The following CMSS1 variants were observed in gnomAD, a reference collection of about 807,000 sequenced individuals.
The protein encoded by CMSS1 is protein CMSS1.
CMSS1 carries 33 observed loss-of-function variants against 43.5 expected under a neutral mutation model. The ratio of observed to expected loss-of-function variants is 0.76; its 90% CI spans 0.57 to 1.01. The LOEUF (loss-of-function observed/expected upper bound fraction) is 1.01, where lower values mean the gene tolerates loss of function less well. CMSS1 is among the 50% of genes least tolerant of loss of function. The pLI, the probability that CMSS1 is intolerant of heterozygous loss-of-function variation, is 0.00. For synonymous variants in CMSS1, 115 were observed against 117.2 expected (o/e 0.98, Z 0.12); for missense variants, 313 against 326.4 (o/e 0.96, Z 0.32).
At chr3:100,163,753 T>C (rs1045316227) in intron 4 of CMSS1, among the ~76,000 whole-genome samples, 25 of 152,140 alleles carry the variant, frequency 1.6e-4, no homozygotes, top group African/African-American at 6.0e-4. Context: ...CCTTTAACTC[T>C]TTTAGGCAGG....
intron 1 of CMSS1, among the ~76,000 whole-genome samples, chr3:100,053,799 T>G (rs539511326): frequency 1.3e-5 from 2 of 152,330 alleles, no homozygotes; most frequent in Admixed American, 1.3e-4. Context: ...ACTAATCAAT[T>G]CTTTAGTGAC....
In CMSS1 at chr3:100,171,707, G is replaced by A. The variant is rs1052556549; in HGVS notation, c.519-132G>A. 1.0e-5 allele frequency: 7 copies of A among 682,412 alleles called. No individual in the cohort carries two copies. In the African/African-American group the frequency reaches 1.3e-4, roughly 12 times the overall value. The allele number at this position is 682,412 out of a possible 1,614,324, so 42.3% of individuals were successfully genotyped here. ...GGCTAACCTGCAAATCTCAGAATTTGTATGTACATATGCACATATATACAC... is the reference window on the plus strand; with the variant it reads ...GGCTAACCTGCAAATCTCAGAATTTATATGTACATATGCACATATATACAC... On this transcript the variant is annotated intron_variant, in intron 6 of 9. Coordinates refer to ENST00000421999, the MANE Select transcript of CMSS1 (RefSeq NM_032359.4).
chr3:99,935,928 G>A (rs1044582613), intron 1 of CMSS1, among the ~76,000 whole-genome samples: 1 of 152,176 alleles, frequency 6.6e-6, no homozygotes, highest in Non-Finnish European at 1.5e-5. Flanking sequence ...ATGGCCAAAT[G>A]TAAATAGAAG....
chr3:100,126,601 T>C (rs1464991062), intron 1 of CMSS1, among the ~76,000 whole-genome samples: 4 of 152,324 alleles, frequency 2.6e-5, no homozygotes, highest in South Asian at 4.1e-4. Flanking sequence ...CTCCCACTTT[T>C]AATTTATATA....
intron 1 of CMSS1, chr3:100,075,754 G>A (rs1362670171): frequency 1.3e-5 from 2 of 152,132 alleles, no homozygotes; most frequent in African/African-American, 4.8e-5. Context: ...TCATCCCACA[G>A]TGATAGTAAC....
At chr3:99,835,388 G>A (rs1204583002) in intron 1 of CMSS1, among the ~76,000 whole-genome samples, 1 of 152,186 alleles carries the variant, frequency 6.6e-6, no homozygotes, top group African/African-American at 2.4e-5. Flanking sequence ...TAGATCACCT[G>A]TAAAGTCCTT....
chr3:100,094,669 G>A (rs1231980015), intron 1 of CMSS1, among the ~76,000 whole-genome samples: 1 of 131,874 alleles, frequency 7.6e-6, no homozygotes, highest in African/African-American at 2.8e-5. Flanking sequence ...TGTTGGAAAA[G>A]CTGCCTTTTT....
At chr3:99,956,350 C>G (rs1457807879) in intron 1 of CMSS1, among the ~76,000 whole-genome samples, 1 of 152,130 alleles carries the variant, frequency 6.6e-6, no homozygotes. Context: ...TCCCCTCCAT[C>G]TAAGCTTTGT....
intron 1 of CMSS1, among the ~76,000 whole-genome samples, chr3:100,025,804 G>T (rs1309081769): frequency 6.6e-6 from 1 of 152,114 alleles, no homozygotes; most frequent in Admixed American, 6.6e-5. Context: ...CTCTGCTGTA[G>T]TCGACCTCCA....
intron 1 of CMSS1, among the ~76,000 whole-genome samples, chr3:100,010,677 C>T (rs926915457): frequency 1.3e-4 from 19 of 149,774 alleles, no homozygotes; most frequent in African/African-American, 4.4e-4. Flanking sequence ...TGCAGTGGCT[C>T]GATCTCTGCC....
At chr3:99,914,646 G>A (rs191264416) in intron 1 of CMSS1, among the ~76,000 whole-genome samples, 375 of 152,258 alleles carry the variant, frequency 2.5e-3, no homozygotes, top group African/African-American at 6.8e-3. Flanking sequence ...TTTTACAGAA[G>A]GCAGTTTAGC....
At chr3:100,055,699 C>G (rs2065453046) in intron 1 of CMSS1, among the ~76,000 whole-genome samples, 2 of 152,086 alleles carry the variant, frequency 1.3e-5, no homozygotes, top group South Asian at 4.1e-4. Flanking sequence ...CTTTAGTAGT[C>G]AAACATTCTT....
Position 100,167,787 on chromosome 3 carries a change from G to A in CMSS1, c.465G>A (p.Ser155=), listed in dbSNP as rs375895581. 6.8e-6 allele frequency: 11 copies of A among 1,613,314 alleles called. No homozygotes were observed. The Admixed American group carries it at 1.0e-4, about 15-fold the overall frequency. ...KLRKNHSEKK[S]VLMLIICSSA... is the part of the protein sequence containing the mutation. ...GGAAGAACCACAGTGAGAAGAAATC[G>A]GTCCTGATGCTGATCATCTGCAGCT... The change falls in exon 6 of 10, where the codon TCG becomes TCA. Residue 155 remains serine, a synonymous_variant. Transcript: ENST00000421999.
intron 1 of CMSS1, among the ~76,000 whole-genome samples, chr3:100,017,551 G>A (rs572041011): frequency 6.6e-6 from 1 of 152,274 alleles, no homozygotes; most frequent in African/African-American, 2.4e-5. Flanking sequence ...TATGTACTTT[G>A]TGCTGTCAGC....
chr3:100,054,529 T>TATGTTATGTTATGTTATGTC (rs2065430846), intron 1 of CMSS1, among the ~76,000 whole-genome samples: 1 of 151,592 alleles, frequency 6.6e-6, no homozygotes, highest in Non-Finnish European at 1.5e-5. Flanking sequence ...TATGTTATGT[T>TATGTTATGTTATGTTATGTC]ATGTTATGTT....
chr3:99,848,947 T>C, intron 1 of CMSS1: 1 of 1,614,166 alleles, frequency 6.2e-7, no homozygotes, highest in Non-Finnish European at 8.5e-7. Context: ...GTTTTGTACA[T>C]GGTCTGGAGT....
At chr3:99,982,614 G>A (rs116248544) in intron 1 of CMSS1, among the ~76,000 whole-genome samples, 2,635 of 152,220 alleles carry the variant, frequency 0.017, 37 homozygotes, top group Middle Eastern at 0.034. Flanking sequence ...AAAGTGCTGG[G>A]ATTACAGGCA....
chr3:100,024,612 A>T (rs757067524), intron 1 of CMSS1, among the ~76,000 whole-genome samples: 7 of 152,216 alleles, frequency 4.6e-5, no homozygotes, highest in Non-Finnish European at 8.8e-5. Flanking sequence ...TCCAACAGGC[A>T]TAGGCAGGTT....
chr3:100,073,837 T>C (rs2065802321), intron 1 of CMSS1, among the ~76,000 whole-genome samples: 1 of 152,212 alleles, frequency 6.6e-6, no homozygotes, highest in South Asian at 2.1e-4. Flanking sequence ...ACTCACTCTT[T>C]TTAAGCTTAT....
Sources: allele counts gnomAD v4.1 joint callset (sites outside exome capture counted in the v4.1 genomes callset), GRCh38; gene constraint gnomAD v4.1.1; transcripts MANE v1.5; gene names NCBI Gene and HGNC (gene_info 2026-07-23, HGNC 2026-07-21).